MMP15: variants seen among roughly 807,000 people sequenced by gnomAD.
MMP15 encodes matrix metalloproteinase-15.
A neutral mutation model predicts 65.0 loss-of-function variants in MMP15; 36 were observed. The observed-to-expected ratio is 0.55, with a 90% confidence interval of 0.42 to 0.73. The LOEUF is 0.73. MMP15 is among the 30% of genes least tolerant of loss of function. The probability of loss-of-function intolerance (pLI) is 0.00; values close to 1 mark genes in which losing one functional copy is unlikely to be tolerated. For synonymous variants in MMP15, 428 were observed against 410.2 expected (o/e 1.04, Z -0.52); for missense variants, 870 against 987.8 (o/e 0.88, Z 1.60).
At chr16:58,044,625 G>A (rs922019289) in intron 9 of MMP15, among the ~76,000 whole-genome samples, 11 of 152,204 alleles carry the variant, frequency 7.2e-5, no homozygotes, top group African/African-American at 1.4e-4. Context: ...GGTTCCTTCC[G>A]CTCTAGAACA....
At chr16:58,039,461 CAG>C (rs957102630) in intron 3 of MMP15, among the ~76,000 whole-genome samples, 3 of 152,186 alleles carry the variant, frequency 2.0e-5, no homozygotes, top group African/African-American at 7.2e-5. Context: ...AACTGGAAAT[CAG>C]AGAGTCACTT....
chr16:58,032,218 A>G (rs1388776657), intron 1 of MMP15, among the ~76,000 whole-genome samples: 1 of 152,118 alleles, frequency 6.6e-6, no homozygotes, highest in African/African-American at 2.4e-5. Flanking sequence ...GGCGCTCTCA[A>G]CGCTGCTTGG....
chr16:58,038,069 A>C (rs1959372532), intron 2 of MMP15, among the ~76,000 whole-genome samples, 197 bp from the exon 3 acceptor site: 1 of 152,198 alleles, frequency 6.6e-6, no homozygotes, highest in African/African-American at 2.4e-5. Context: ...CCTTGACTGA[A>C]CCACTCCTGG....
chr16:58,039,179 T>C (rs766134115), intron 3 of MMP15, among the ~76,000 whole-genome samples: 4 of 152,214 alleles, frequency 2.6e-5, no homozygotes, highest in Admixed American at 6.5e-5. Flanking sequence ...ACACCTGTAA[T>C]CCCAGCACTT....
At position 58,043,333 on chromosome 16, in the gene MMP15, G is replaced by C; in HGVS notation, c.1427G>C (p.Gly476Ala). 6.2e-7 allele frequency: 1 copy of C among 1,605,470 alleles called. No homozygotes were observed. The change falls in exon 8 of 10, where the codon GGC becomes GCC. Residue 476 changes from glycine to alanine, a missense_variant. Physicochemically the swap from Gly to Ala is moderately conservative, Grantham distance 60 (BLOSUM62 0). Transcript: ENST00000219271. ...ACGGCCATCTGGTGGGAGCCCACAG[G>C]CCACACCTTCTTCTTCCAAGAGGAC... is the stretch of plus-strand genomic sequence containing the variant. The part of the protein sequence containing the change: ...IDTAIWWEPT[G>A]HTFFFQEDRY...
intron 1 of MMP15, among the ~76,000 whole-genome samples, chr16:58,030,999 C>T (rs1361596129): frequency 6.6e-6 from 1 of 152,146 alleles, no homozygotes; most frequent in Non-Finnish European, 1.5e-5. Context: ...TATTTTTGAG[C>T]ACCTTCAACA....
rs2142333842 is a variant in MMP15 at position 58,046,324 on chromosome 16, C to T, written c.*878C>T. On this transcript the variant is annotated 3_prime_UTR_variant, in exon 10 of 10. Transcript: ENST00000219271. The stretch of plus-strand genomic sequence containing the variant: ...TCCAGCTCCTTTGGGCTTCAGCTGC[C>T]AGTGTCCTGAGCCCCAGGGAGAGGG... 6.5e-6 allele frequency: 1 copy of T among 153,138 alleles called. No individual in the cohort carries two copies. Among genetic ancestry groups the T allele is most frequent in the South Asian group, 2.1e-4 (1 of 4,834 alleles). The allele number at this position is 153,138 out of a possible 1,614,324, so 9.5% of individuals were successfully genotyped here.
chr16:58,039,029 T>C (rs1457214086), intron 3 of MMP15, among the ~76,000 whole-genome samples: 3 of 152,342 alleles, frequency 2.0e-5, no homozygotes, highest in South Asian at 4.1e-4. Flanking sequence ...AGAGCAGGCC[T>C]CACCATACGT....
At chr16:58,039,810 A>G (rs1959409973) in intron 3 of MMP15, 65 bp from the exon 4 acceptor site, 2 of 1,504,592 alleles carry the variant, frequency 1.3e-6, no homozygotes, top group African/African-American at 1.4e-5. Context: ...TCTTGGGAAC[A>G]TGCCAGCAGA....
In MMP15 at chr16:58,040,511, T is replaced by C. The variant is rs1238734758; in HGVS notation, c.749-26T>C. On this transcript the variant is annotated intron_variant, in intron 4 of 9. Transcript: ENST00000219271. ...TCCTGGGACTGGCCACAGCTGACTG[T>C]GCTGCCCTCCTTCTCTCCCCAAAAG... 5 of 1,607,336 alleles carry C rather than the reference T, an allele frequency of 3.1e-6. No individual in the cohort carries two copies. The East Asian group carries it at 1.1e-4, about 36-fold the overall frequency.
chr16:58,045,569 C>T lies in MMP15; in HGVS notation c.*123C>T. On this transcript the variant is annotated 3_prime_UTR_variant, in exon 10 of 10. Coordinates refer to ENST00000219271, the MANE Select transcript of MMP15 (RefSeq NM_002428.4). ...CCCTCACACACCCTGTCTGCCCCGC[C>T]CTCATTATTTATGTCCAGGTGTTTG... The T allele has an allele frequency of 2.6e-6, 2 of 760,484 alleles. No individual in the cohort carries two copies. The highest frequency in any genetic ancestry group is 4.1e-6 in the Non-Finnish European group (2 of 486,754). The allele number at this position is 760,484 out of a possible 1,614,324, so 47.1% of individuals were successfully genotyped here.
At chr16:58,035,301 G>A (rs575002167) in intron 1 of MMP15, among the ~76,000 whole-genome samples, 3 of 152,320 alleles carry the variant, frequency 2.0e-5, no homozygotes, top group Middle Eastern at 3.4e-3. Context: ...GTGGGAATGC[G>A]CCCTGGGCCA....
chr16:58,041,523 C>T, intron 5 of MMP15, 94 bp from the exon 6 acceptor site: 1 of 1,392,314 alleles, frequency 7.2e-7, no homozygotes, highest in Non-Finnish European at 9.8e-7. Context: ...CAGGATTTTA[C>T]TTTCCGCGTG....
chr16:58,041,910 C>T (rs368012727), intron 6 of MMP15, 40 bp downstream of exon 6: 41 of 1,535,446 alleles, frequency 2.7e-5, no homozygotes, highest in Middle Eastern at 1.8e-4. Context: ...GAGCCTTTTC[C>T]CTGGCTGCTC....
intron 9 of MMP15, among the ~76,000 whole-genome samples, chr16:58,043,997 G>A (rs1959504548): frequency 6.6e-6 from 1 of 152,176 alleles, no homozygotes; most frequent in Non-Finnish European, 1.5e-5. Context: ...GGAGCCTTGA[G>A]CCTGAGTGGG....
At chr16:58,043,172 C>T (rs757643072) in intron 7 of MMP15, 38 bp from the exon 8 acceptor site, 74 of 1,528,074 alleles carry the variant, frequency 4.8e-5, no homozygotes, top group Non-Finnish European at 6.3e-5. Flanking sequence ...CCCTCAGCCC[C>T]AGGCCTGACC....
intron 4 of MMP15, 27 bp from the exon 5 acceptor site, chr16:58,040,510 G>A (rs371801346): frequency 1.2e-6 from 2 of 1,607,044 alleles, no homozygotes; most frequent in South Asian, 2.2e-5. Flanking sequence ...ACAGCTGACT[G>A]TGCTGCCCTC....
In MMP15 at chr16:58,041,693, C is replaced by T. The variant is rs777458316; in HGVS notation, c.987C>T (p.His329=). ...CACGGCGGCCAGGCCGGCCTGACCACCGGCCGCCCCGGCCTCCCCAGCCAC... is the reference window on the plus strand; with the variant it reads ...CACGGCGGCCAGGCCGGCCTGACCATCGGCCGCCCCGGCCTCCCCAGCCAC... The part of the protein sequence containing the change: ...VTPRRPGRPD[H]RPPRPPQPPP... Residue 329 remains histidine (H), a synonymous_variant, in exon 6 of 10, where the codon CAC becomes CAT. Coordinates refer to ENST00000219271, the MANE Select transcript of MMP15 (RefSeq NM_002428.4). The T allele has an allele frequency of 1.9e-6, 3 of 1,576,326 alleles. No individual in the cohort carries two copies. Among genetic ancestry groups the T allele is most frequent in the African/African-American group, 2.7e-5 (2 of 73,790 alleles).
In MMP15 at chr16:58,039,909, C is replaced by T; in HGVS notation, c.475C>T (p.His159Tyr). The T allele has an allele frequency of 6.2e-7, 1 of 1,608,914 alleles. No homozygotes were observed. Among genetic ancestry groups the T allele is most frequent in the South Asian group, 1.1e-5 (1 of 90,966 alleles). ...QNYTEKLGWYHSMEAVRRAFR... is the reference protein window; with the variant it reads ...QNYTEKLGWYYSMEAVRRAFR... ...CTACACGGAGAAGTTGGGCTGGTAC[C>T]ACTCGATGGAGGCGGTGCGCAGGGC... The change falls in exon 4 of 10, where the codon CAC becomes TAC. Residue 159 changes from histidine (H) to tyrosine (Y), a missense_variant. Transcript: ENST00000219271.
Sources: allele counts gnomAD v4.1 joint callset (sites outside exome capture counted in the v4.1 genomes callset), GRCh38; gene constraint gnomAD v4.1.1; transcripts MANE v1.5; gene names NCBI Gene and HGNC (gene_info 2026-07-23, HGNC 2026-07-21).